ASIC2: variants seen among roughly 807,000 people sequenced by gnomAD.
ASIC2 encodes the protein acid sensing ion channel subunit 2, also known as acid-sensing ion channel 2.
Under a neutral mutation model 57.3 loss-of-function variants are expected in ASIC2, and 25 were observed. The observed-to-expected ratio is 0.44, with a 90% CI of 0.32 to 0.61. ASIC2 has a LOEUF of 0.61. Ranked by LOEUF, ASIC2 falls within the 20% of genes least tolerant of loss-of-function variation. The pLI is 0.06. For missense variants in ASIC2, 641 were observed against 738.1 expected, an observed-to-expected ratio of 0.87 and a Z score of 1.52; for synonymous variants, 319 against 307.5, an observed-to-expected ratio of 1.04 and a Z score of -0.39.
intron 2 of ASIC2, among the ~76,000 whole-genome samples, chr17:33,104,116 T>A (rs73275900): frequency 0.021 from 3,186 of 152,238 alleles, 104 homozygotes; most frequent in African/African-American, 0.074. Flanking sequence ...TCCATCTACT[T>A]TACATCTTCC....
intron 1 of ASIC2, among the ~76,000 whole-genome samples, chr17:33,712,846 C>A (rs1451587420): frequency 2.0e-5 from 3 of 151,348 alleles, no homozygotes; most frequent in Non-Finnish European, 4.4e-5. Flanking sequence ...GGGGTTTCAC[C>A]GTTTTAGCCG....
At chr17:33,663,220 G>A (rs965866490) in intron 1 of ASIC2, among the ~76,000 whole-genome samples, 3 of 152,184 alleles carry the variant, frequency 2.0e-5, no homozygotes, top group African/African-American at 7.2e-5. Flanking sequence ...CCAGGTTCAC[G>A]CAGCAGGTAA....
chr17:33,881,239 T>C (rs1424317704), intron 1 of ASIC2, among the ~76,000 whole-genome samples: 2 of 152,100 alleles, frequency 1.3e-5, no homozygotes, highest in African/African-American at 4.8e-5. Context: ...CTATTCAACA[T>C]AGGGTTGGAA....
At chr17:33,186,561 C>T (rs1207914077) in intron 1 of ASIC2, among the ~76,000 whole-genome samples, 1 of 152,120 alleles carries the variant, frequency 6.6e-6, no homozygotes, top group Non-Finnish European at 1.5e-5. Context: ...CACAATGGGT[C>T]GTAAAGCTGC....
At chr17:33,950,443 C>T (rs1037216929) in intron 1 of ASIC2, among the ~76,000 whole-genome samples, 5 of 152,250 alleles carry the variant, frequency 3.3e-5, no homozygotes, top group African/African-American at 1.2e-4. Context: ...ATTCTGCTGC[C>T]TGTCACTGGA....
intron 1 of ASIC2, among the ~76,000 whole-genome samples, chr17:34,094,805 C>G (rs954826713): frequency 6.6e-6 from 1 of 152,058 alleles, no homozygotes; most frequent in Non-Finnish European, 1.5e-5. Flanking sequence ...AATATTAAAC[C>G]CCTACTGCAT....
chr17:34,069,155 T>C (rs1325654698), intron 1 of ASIC2, among the ~76,000 whole-genome samples: 2 of 151,970 alleles, frequency 1.3e-5, no homozygotes, highest in African/African-American at 2.4e-5. Context: ...TGGCAAACGC[T>C]AAAAATTTAG....
chr17:33,502,897 C>T (rs1196185849), intron 1 of ASIC2, among the ~76,000 whole-genome samples: 3 of 152,136 alleles, frequency 2.0e-5, no homozygotes, highest in Admixed American at 6.5e-5. Flanking sequence ...TAAAATGAGA[C>T]TCTTACCCTA....
At chr17:33,879,467 A>C (rs1054629177) in intron 1 of ASIC2, among the ~76,000 whole-genome samples, 5 of 152,244 alleles carry the variant, frequency 3.3e-5, no homozygotes, top group African/African-American at 1.2e-4. Flanking sequence ...AGTCACTGAT[A>C]AAACAGACTT....
intron 1 of ASIC2, among the ~76,000 whole-genome samples, chr17:34,122,660 T>A (rs1911660044): frequency 6.6e-6 from 1 of 152,208 alleles, no homozygotes; most frequent in South Asian, 2.1e-4. Flanking sequence ...CCATAGCCAG[T>A]GCTGTATCCC....
At chr17:33,661,572 C>T (rs1239968991) in intron 1 of ASIC2, among the ~76,000 whole-genome samples, 1 of 152,170 alleles carries the variant, frequency 6.6e-6, no homozygotes, top group African/African-American at 2.4e-5. Context: ...AGCCAAGTGT[C>T]CTTCCTTCAG....
chr17:34,074,219 G>A (rs1334147382), intron 1 of ASIC2, among the ~76,000 whole-genome samples: 1 of 152,170 alleles, frequency 6.6e-6, no homozygotes, highest in Non-Finnish European at 1.5e-5. Context: ...GATACACACT[G>A]TATTTTGAGA....
chr17:33,103,052 G>A (rs2092219613), intron 2 of ASIC2, among the ~76,000 whole-genome samples: 1 of 152,140 alleles, frequency 6.6e-6, no homozygotes, highest in Admixed American at 6.5e-5. Flanking sequence ...CAAAGTGCTG[G>A]TATTACAGGC....
intron 1 of ASIC2, among the ~76,000 whole-genome samples, chr17:33,285,784 C>G (rs1163303806): frequency 6.6e-6 from 1 of 152,186 alleles, no homozygotes; most frequent in Non-Finnish European, 1.5e-5. Context: ...TGCAGTTCAC[C>G]CATTTATAAA....
intron 1 of ASIC2, among the ~76,000 whole-genome samples, chr17:33,702,275 C>T (rs1337889898): frequency 6.6e-6 from 1 of 152,116 alleles, no homozygotes; most frequent in Admixed American, 6.5e-5. Flanking sequence ...GGTACTCAGT[C>T]GTAGTTAGTT....
chr17:33,638,386 G>A (rs1204721538), intron 1 of ASIC2, among the ~76,000 whole-genome samples: 1 of 152,210 alleles, frequency 6.6e-6, no homozygotes, highest in East Asian at 1.9e-4. Context: ...AGCCTGTGAG[G>A]ATAGAAGCAA....
chr17:33,104,169 C>T (rs2092225816), intron 2 of ASIC2, among the ~76,000 whole-genome samples: 1 of 152,138 alleles, frequency 6.6e-6, no homozygotes, highest in African/African-American at 2.4e-5. Context: ...TTTCTCCCAT[C>T]CTCTTTGTCC....
At chr17:33,286,529 T>A in intron 1 of ASIC2, among the ~76,000 whole-genome samples, 1 of 152,100 alleles carries the variant, frequency 6.6e-6, no homozygotes, top group Admixed American at 6.5e-5. Flanking sequence ...ATCCAGTCCC[T>A]CCCTCCAGCC....
intron 1 of ASIC2, among the ~76,000 whole-genome samples, chr17:33,194,531 A>T (rs1906550818): frequency 6.6e-6 from 1 of 152,226 alleles, no homozygotes; most frequent in Admixed American, 6.5e-5. Flanking sequence ...TTTCTAAAAT[A>T]AGGAATTACT....
Sources: gnomAD v4.1 joint callset for allele counts (sites outside exome capture counted in the v4.1 genomes callset) on GRCh38, gnomAD v4.1.1 for gene constraint, MANE v1.5 for transcripts, NCBI Gene and HGNC (gene_info 2026-07-23, HGNC 2026-07-21) for gene names.